The following FAT3 variants were observed in gnomAD, a reference collection of about 807,000 sequenced individuals.
FAT3 encodes protocadherin Fat 3.
A neutral mutation model predicts 310.2 loss-of-function variants in FAT3; 95 were observed. The ratio of observed to expected loss-of-function variants is 0.31; its 90% CI spans 0.26 to 0.36. FAT3 has a LOEUF of 0.36. Ranked by LOEUF, FAT3 falls within the 10% of genes least tolerant of loss-of-function variation. The pLI is 1.00. For missense variants in FAT3, 5,408 were observed against 5,715.6 expected (o/e 0.95, Z 1.74); for synonymous variants, 2,314 against 2,192.9 (o/e 1.06, Z -1.54).
At chr11:92,745,582 G>GA (rs58851230) in intron 4 of FAT3, among the ~76,000 whole-genome samples, 9,488 of 122,878 alleles carry the variant, frequency 0.077, 755 homozygotes, top group East Asian at 0.23. Flanking sequence ...TCTCTGCAGG[G>GA]AAAAAAAAAA....
chr11:92,670,149 G>T (rs112480478), intron 3 of FAT3, among the ~76,000 whole-genome samples: 2 of 152,104 alleles, frequency 1.3e-5, no homozygotes, highest in African/African-American at 4.8e-5. Flanking sequence ...GCTGCTGCCC[G>T]GAGATGGCTG....
In FAT3 at chr11:92,273,547, A is replaced by G. The variant is rs1260310030; in HGVS notation, c.-18+48373A>G. ...GTTTCCTGCGGTCCTAGTTGTAATA[A>G]CTGTATAATATCATACACTTTATCA... On this transcript the variant is annotated intron_variant, in intron 1 of 27. Coordinates refer to ENST00000525166, the MANE Select transcript of FAT3 (RefSeq NM_001367949.2). Among the ~76,000 whole-genome samples the G allele has an allele frequency of 3.9e-5, 6 of 152,142 alleles. No homozygotes were observed. In the East Asian group the frequency reaches 1.2e-3, roughly 29 times the overall value.
At chr11:92,339,048 T>C (rs1948169092) in intron 1 of FAT3, among the ~76,000 whole-genome samples, 1 of 152,048 alleles carries the variant, frequency 6.6e-6, no homozygotes, top group Non-Finnish European at 1.5e-5. Flanking sequence ...TATGTAAAAA[T>C]TCCTTTTGGG....
rs1264945537 is a variant in FAT3, at chr11:92,801,310, A to G, written c.8297A>G (p.Lys2766Arg). 6.2e-7 allele frequency: 1 copy of G among 1,613,958 alleles called. No homozygotes were observed. The highest frequency in any genetic ancestry group is 8.5e-7 in the Non-Finnish European group (1 of 1,179,870). ...ATAGAACAGGAAACAGGCACTATTA[A>G]GCTTGACAAACGCCTTGACCGTGAA... is the stretch of plus-strand genomic sequence containing the variant. The part of the protein sequence containing the change: ...FVIEQETGTI[K>R]LDKRLDRETS... The change falls in exon 10 of 28, where the codon AAG (lysine) becomes AGG (arginine). Residue 2766 changes from lysine (K) to arginine (R), a missense_variant. This residue lies in a region of FAT3 where 4,588 missense variants were observed against 4,809.8 expected (regional missense o/e 0.95). Transcript: ENST00000525166.
intron 19 of FAT3, among the ~76,000 whole-genome samples, chr11:92,855,869 A>G (rs1249254553): frequency 2.0e-5 from 3 of 152,202 alleles, no homozygotes; most frequent in East Asian, 1.9e-4. Flanking sequence ...TGCTGGTGCT[A>G]CTTATATTGC....
intron 3 of FAT3, among the ~76,000 whole-genome samples, chr11:92,595,120 T>A (rs1450850609): frequency 6.6e-6 from 1 of 152,104 alleles, no homozygotes; most frequent in Non-Finnish European, 1.5e-5. Context: ...CTCCTTTTCC[T>A]TTGTAAGATG....
chr11:92,352,900 C>A lies in FAT3; in HGVS notation c.788C>A (p.Ala263Asp). 1 of 1,613,850 alleles carries A rather than the reference C, an allele frequency of 6.2e-7. No homozygotes were observed. The highest frequency in any genetic ancestry group is 8.5e-7 in the Non-Finnish European group (1 of 1,179,870). ...YVHIERINEH[A>D]PTIHVVTHVP... ...CACATTGAGCGCATAAATGAACATGCCCCAACAATCCATGTAGTCACTCAT... is the reference window on the plus strand; with the variant it reads ...CACATTGAGCGCATAAATGAACATGACCCAACAATCCATGTAGTCACTCAT... Residue 263 changes from alanine to aspartate, a missense_variant, in exon 2 of 28, where the codon GCC (alanine) becomes GAC (aspartate). Coordinates refer to ENST00000525166, the MANE Select transcript of FAT3 (RefSeq NM_001367949.2).
chr11:92,696,892 ATAAT>A (rs1317944645), intron 3 of FAT3, among the ~76,000 whole-genome samples: 1 of 152,246 alleles, frequency 6.6e-6, no homozygotes, highest in Non-Finnish European at 1.5e-5. Context: ...TAAATATGAA[ATAAT>A]TATGTGTACA....
At chr11:92,772,364 T>G (rs1946481060) in intron 6 of FAT3, among the ~76,000 whole-genome samples, 1 of 152,106 alleles carries the variant, frequency 6.6e-6, no homozygotes, top group Admixed American at 6.5e-5. Context: ...ATGATCATGT[T>G]TTTTTTCTCT....
chr11:92,848,323 A>C (rs1948738101), intron 19 of FAT3, among the ~76,000 whole-genome samples: 1 of 152,174 alleles, frequency 6.6e-6, no homozygotes, highest in African/African-American at 2.4e-5. Flanking sequence ...ACTTCAAGAG[A>C]TACAAAGGTC....
At chr11:92,697,028 C>T (rs1438511188) in intron 3 of FAT3, among the ~76,000 whole-genome samples, 2 of 152,148 alleles carry the variant, frequency 1.3e-5, no homozygotes, top group Non-Finnish European at 2.9e-5. Flanking sequence ...ATTAATTGTT[C>T]AGGAACTCTA....
chr11:92,679,652 C>G lies in FAT3; in HGVS notation c.3608-17732C>G, dbSNP rs184261513. On this transcript the variant is annotated intron_variant, in intron 3 of 27. Coordinates refer to ENST00000525166, the MANE Select transcript of FAT3 (RefSeq NM_001367949.2). ...GGTCAAGAGATCAAGACCATCCAGGCTAACATGGTGAAACCCCATCTCTAC... is the reference window on the plus strand; with the variant it reads ...GGTCAAGAGATCAAGACCATCCAGGGTAACATGGTGAAACCCCATCTCTAC... Among the ~76,000 whole-genome samples, 6 of 151,846 alleles carry G rather than the reference C, an allele frequency of 4.0e-5. No individual in the cohort carries two copies. The East Asian group carries it at 9.7e-4, about 25-fold the overall frequency.
chr11:92,256,326 C>T (rs1002644342), intron 1 of FAT3, among the ~76,000 whole-genome samples: 1 of 151,876 alleles, frequency 6.6e-6, no homozygotes, highest in Non-Finnish European at 1.5e-5. Context: ...TGATTTCCCT[C>T]AGCAACAGAG....
At chr11:92,352,060 T>A in intron 1 of FAT3, 36 bp from the exon 2 acceptor site, 1 of 1,224,388 alleles carries the variant, frequency 8.2e-7, no homozygotes, top group Non-Finnish European at 1.1e-6. Flanking sequence ...CTAGGATGGT[T>A]AATTTATCTT....
intron 24 of FAT3, among the ~76,000 whole-genome samples, chr11:92,886,092 C>A (rs1191316395): frequency 6.6e-6 from 1 of 152,176 alleles, no homozygotes; most frequent in Non-Finnish European, 1.5e-5. Context: ...GTGATCACTG[C>A]CCTCACTCCT....
Position 92,744,865 on chromosome 11 carries a change from G to A in FAT3, c.3670-16991G>A, listed in dbSNP as rs566894557. 8.3e-3 allele frequency among the ~76,000 whole-genome samples: 1,268 copies of A among 152,254 alleles called. 6 individuals are homozygous for A. Among genetic ancestry groups the A allele is most frequent in the Non-Finnish European group, 0.012 (830 of 68,016 alleles). On this transcript the variant is annotated intron_variant, in intron 4 of 27. Transcript: ENST00000525166. The stretch of plus-strand genomic sequence containing the variant: ...ATACATACACATAAGCCTAATTTCT[G>A]TAAATTGATCTATTTAAAATTCATA...
chr11:92,664,086 C>A (rs1942881328), intron 3 of FAT3, among the ~76,000 whole-genome samples: 2 of 152,116 alleles, frequency 1.3e-5, no homozygotes, highest in Non-Finnish European at 2.9e-5. Context: ...TGCTCATTCT[C>A]ATCATCACTC....
At chr11:92,283,264 G>A (rs1412176808) in intron 1 of FAT3, among the ~76,000 whole-genome samples, 5 of 152,182 alleles carry the variant, frequency 3.3e-5, no homozygotes, top group East Asian at 1.9e-4. Context: ...TCAGTGACAA[G>A]TTTTGCCCAT....
chr11:92,859,423 G>C, intron 21 of FAT3, 101 bp downstream of exon 21: 1 of 1,225,670 alleles, frequency 8.2e-7, no homozygotes, highest in Non-Finnish European at 1.1e-6. Flanking sequence ...TTTAAGTTCA[G>C]AAGACCAGAA....
Sources: allele counts gnomAD v4.1 joint callset (sites outside exome capture counted in the v4.1 genomes callset), GRCh38; gene constraint gnomAD v4.1.1; regional missense constraint gnomAD v4.1.1; transcripts MANE v1.5; gene names NCBI Gene and HGNC (gene_info 2026-07-23, HGNC 2026-07-21).